The following GPC6 variants were observed in gnomAD, a reference collection of about 807,000 sequenced individuals.
The protein encoded by GPC6 is glypican 6.
Under a neutral mutation model 55.2 loss-of-function variants are expected in GPC6, and 14 were observed. That is an observed-to-expected ratio of 0.25 (90% confidence interval 0.17 to 0.40). GPC6 has a LOEUF of 0.40. Among genes scored for constraint, GPC6 ranks in the 10% least tolerant of loss-of-function variants. GPC6 has a pLI of 1.00. For missense variants in GPC6, 641 were observed against 708.5 expected (o/e 0.90, Z 1.08); for synonymous variants, 278 against 259.6 (o/e 1.07, Z -0.68).
intron 4 of GPC6, among the ~76,000 whole-genome samples, chr13:94,081,753 AG>A (rs1393499229): frequency 1.3e-5 from 2 of 152,102 alleles, no homozygotes. Flanking sequence ...GGCACTGTAC[AG>A]TAAATGGCTC....
intron 3 of GPC6, among the ~76,000 whole-genome samples, chr13:93,886,767 T>G (rs1321230834): frequency 3.6e-4 from 54 of 151,938 alleles, no homozygotes; most frequent in Admixed American, 2.6e-3. Flanking sequence ...TTTGTTTTTT[T>G]TTTTTTCATA....
intron 1 of GPC6, among the ~76,000 whole-genome samples, chr13:93,423,264 G>A (rs1255838358): frequency 1.3e-5 from 2 of 152,154 alleles, no homozygotes; most frequent in African/African-American, 4.8e-5. Flanking sequence ...CAGGCCAGGT[G>A]TATCTCATCC....
rs145692205 is a variant in GPC6 at position 93,375,821 on chromosome 13, G to A, written c.160+148205G>A. Among the ~76,000 whole-genome samples, 14 of 152,338 alleles carry A rather than the reference G, an allele frequency of 9.2e-5. No homozygotes were observed. The East Asian group carries it at 2.7e-3, about 29-fold the overall frequency. On this transcript the variant is annotated intron_variant, in intron 1 of 8. Coordinates refer to ENST00000377047, the MANE Select transcript of GPC6 (RefSeq NM_005708.5). ...ATGGATTGCAGAAGTTGGAGAAAAT[G>A]AGGAGGCCAGAAAGGTGGTTCTTCC...
At chr13:93,888,837 A>G (rs1270363319) in intron 3 of GPC6, among the ~76,000 whole-genome samples, 1 of 152,168 alleles carries the variant, frequency 6.6e-6, no homozygotes, top group Non-Finnish European at 1.5e-5. Flanking sequence ...TGCCATAGGG[A>G]GGTCTTGACT....
intron 4 of GPC6, among the ~76,000 whole-genome samples, chr13:94,211,415 A>C (rs1188679664): frequency 1.3e-5 from 2 of 152,214 alleles, no homozygotes; most frequent in Non-Finnish European, 2.9e-5. Context: ...TAAGAACGTA[A>C]AGAAAAATGC....
At chr13:93,891,114 C>T (rs1004411046) in intron 3 of GPC6, among the ~76,000 whole-genome samples, 11 of 151,798 alleles carry the variant, frequency 7.2e-5, no homozygotes, top group Non-Finnish European at 1.3e-4. Context: ...AAATGCATGC[C>T]CAAGTGGCTA....
chr13:94,006,920 G>A (rs1398385503), intron 3 of GPC6, among the ~76,000 whole-genome samples: 1 of 151,972 alleles, frequency 6.6e-6, no homozygotes. Flanking sequence ...CTTTATGTTG[G>A]CATGAGAAAT....
chr13:93,227,518 C>T lies in GPC6; in HGVS notation c.62C>T (p.Ala21Val). 1 of 1,613,784 alleles carries T rather than the reference C, an allele frequency of 6.2e-7. No individual in the cohort carries two copies. The highest frequency in any genetic ancestry group is 8.5e-7 in the Non-Finnish European group (1 of 1,179,724). Residue 21 changes from alanine (A) to valine (V), a missense_variant, in exon 1 of 9, where the codon GCC becomes GTC. By Grantham distance (64) the Ala-to-Val change is moderately conservative. Transcript: ENST00000377047. The surrounding 1 kb of genome is among the most constrained non-coding windows in gnomAD (Gnocchi z 4.3). ...PLLGLLLSLP[A>V]GADVKARSCG... ...TTGGGGCTGCTGCTCTCCCTCCCCGCCGGGGCGGATGTGAAGGCTCGGAGC... is the reference window on the plus strand; with the variant it reads ...TTGGGGCTGCTGCTCTCCCTCCCCGTCGGGGCGGATGTGAAGGCTCGGAGC...
chr13:94,349,757 C>T (rs1878447865), intron 6 of GPC6, among the ~76,000 whole-genome samples: 1 of 152,178 alleles, frequency 6.6e-6, no homozygotes, highest in Non-Finnish European at 1.5e-5. Flanking sequence ...AAGAAAGCTT[C>T]CTCTGCCATA....
intron 3 of GPC6, among the ~76,000 whole-genome samples, chr13:93,979,023 A>G (rs1199812402): frequency 6.6e-6 from 1 of 152,202 alleles, no homozygotes; most frequent in African/African-American, 2.4e-5. Flanking sequence ...AAGATATAGA[A>G]TGTTATAGGA....
At chr13:93,992,294 T>C (rs1181758965) in intron 3 of GPC6, among the ~76,000 whole-genome samples, 1 of 152,008 alleles carries the variant, frequency 6.6e-6, no homozygotes, top group Non-Finnish European at 1.5e-5. Context: ...TTTAAGATAA[T>C]GTTAATTATT....
At position 93,287,058 on chromosome 13, in the gene GPC6, A is replaced by G. The variant is rs548975662; in HGVS notation, c.160+59442A>G. Among the ~76,000 whole-genome samples the G allele has an allele frequency of 4.6e-5, 7 of 152,310 alleles. No homozygotes were observed. The South Asian group carries it at 1.2e-3, about 27-fold the overall frequency. ...TACCTTCAGACTATGTGTATGAGGC[A>G]TATTTGAAACATAAGTGAATTTCAT... On this transcript the variant is annotated intron_variant, in intron 1 of 8. Transcript: ENST00000377047.
intron 4 of GPC6, among the ~76,000 whole-genome samples, chr13:94,084,804 A>G (rs1187930868): frequency 1.3e-5 from 2 of 152,206 alleles, no homozygotes; most frequent in Non-Finnish European, 2.9e-5. Flanking sequence ...CTTTTTGTGC[A>G]GTGCTGAGTC....
At chr13:93,689,094 C>T (rs1882158766) in intron 2 of GPC6, among the ~76,000 whole-genome samples, 1 of 151,964 alleles carries the variant, frequency 6.6e-6, no homozygotes, top group Admixed American at 6.6e-5. Context: ...GTTATTTTCT[C>T]TACAGGGTTT....
intron 3 of GPC6, among the ~76,000 whole-genome samples, chr13:93,951,241 T>A (rs1157832726): frequency 6.6e-6 from 1 of 152,164 alleles, no homozygotes; most frequent in African/African-American, 2.4e-5. Flanking sequence ...TACTTCCTGC[T>A]TGATGCCTTC....
intron 1 of GPC6, among the ~76,000 whole-genome samples, chr13:93,344,459 A>T (rs561615339): frequency 6.6e-6 from 1 of 152,304 alleles, no homozygotes; most frequent in Admixed American, 6.5e-5. Flanking sequence ...TTAATCTAAG[A>T]TTAGCCTGAC....
intron 1 of GPC6, among the ~76,000 whole-genome samples, chr13:93,391,164 G>T (rs914468237): frequency 1.3e-5 from 2 of 151,880 alleles, no homozygotes; most frequent in Admixed American, 6.6e-5. Context: ...ATAATATACT[G>T]CCATTTAAAT....
intron 3 of GPC6, among the ~76,000 whole-genome samples, chr13:93,953,183 C>A (rs548180069): frequency 6.6e-6 from 1 of 151,954 alleles, no homozygotes; most frequent in Admixed American, 6.6e-5. Flanking sequence ...CTTCACTTTT[C>A]TTTTCTTCCA....
At chr13:94,135,997 G>T (rs1055674746) in intron 4 of GPC6, among the ~76,000 whole-genome samples, 1 of 152,136 alleles carries the variant, frequency 6.6e-6, no homozygotes, top group East Asian at 1.9e-4. Flanking sequence ...CTAGTTTTTT[G>T]ACTATCATTG....
Sources: gnomAD v4.1 joint callset for allele counts (sites outside exome capture counted in the v4.1 genomes callset) on GRCh38, gnomAD v4.1.1 for gene constraint, Gnocchi (gnomAD v3.1) non-coding constraint, MANE v1.5 for transcripts, NCBI Gene and HGNC (gene_info 2026-07-23, HGNC 2026-07-21) for gene names.